Variants in OSBPL9 observed in about 807,000 individuals in gnomAD.
The protein encoded by OSBPL9 is oxysterol binding protein like 9.
In OSBPL9, 40 loss-of-function variants were observed where a neutral mutation model predicts 106.6. That is an observed-to-expected ratio of 0.38 (90% CI 0.29 to 0.49). The LOEUF (loss-of-function observed/expected upper bound fraction) is 0.49, where lower values mean the gene tolerates loss of function less well. Among genes scored for constraint, OSBPL9 ranks in the 20% least tolerant of loss-of-function variants. OSBPL9 has a pLI of 0.97. For missense variants in OSBPL9, 609 were observed against 887.2 expected (o/e 0.69, Z 3.98); for synonymous variants, 269 against 295.4 (o/e 0.91, Z 0.92).
the OSBPL9 span, among the ~76,000 whole-genome samples, chr1:51,558,007 A>G: frequency 6.6e-6 from 1 of 152,118 alleles, no homozygotes; most frequent in South Asian, 2.1e-4. Flanking sequence ...ATCTAATTTA[A>G]AAAAAAATCA....
the OSBPL9 span, among the ~76,000 whole-genome samples, chr1:51,530,552 A>T: frequency 6.6e-5 from 10 of 151,484 alleles, no homozygotes; most frequent in African/African-American, 2.4e-4. Context: ...AAGGAGTTCA[A>T]GACCAGCCTG....
chr1:51,545,690 G>A, the OSBPL9 span, among the ~76,000 whole-genome samples: 13 of 152,296 alleles, frequency 8.5e-5, no homozygotes, highest in South Asian at 6.2e-4. Context: ...TGAGAGGATC[G>A]CTTGAGTGCA....
chr1:51,724,199 A>G (rs906021850), intron 4 of OSBPL9, among the ~76,000 whole-genome samples: 1 of 151,468 alleles, frequency 6.6e-6, no homozygotes, highest in Non-Finnish European at 1.5e-5. Context: ...ACCCACCTCA[A>G]TCTCCCAAAA....
the OSBPL9 span, among the ~76,000 whole-genome samples, chr1:51,529,907 C>T: frequency 6.6e-6 from 1 of 151,564 alleles, no homozygotes; most frequent in Non-Finnish European, 1.5e-5. Context: ...TGCGGTGGCT[C>T]ACGCCTGTAA....
At chr1:51,727,854 A>C (rs1300407458) in intron 4 of OSBPL9, among the ~76,000 whole-genome samples, 1 of 152,154 alleles carries the variant, frequency 6.6e-6, no homozygotes, top group Non-Finnish European at 1.5e-5. Context: ...AATTTAAATA[A>C]ATAACTAAGA....
chr1:51,730,178 C>T lies in OSBPL9; in HGVS notation c.319-15358C>T, dbSNP rs114156714. The T allele has an allele frequency of 6.7e-4, 833 of 1,238,420 alleles. 8 individuals are homozygous for T. The African/African-American group carries it at 0.011, about 17-fold the overall frequency. The allele number at this position is 1,238,420 out of a possible 1,614,324, so 76.7% of individuals were successfully genotyped here. A position where few individuals can be genotyped will look rare whatever the true frequency, so the allele number is the denominator to read the frequency against. On this transcript the variant is annotated intron_variant, in intron 4 of 23. Coordinates refer to ENST00000428468, the MANE Select transcript of OSBPL9 (RefSeq NM_024586.6). ...CCCTCTTCCTTGGGAGTTCTCAGTTCCTCAGCCTAGATGGGGTGGAGGCTG... is the reference window on the plus strand; with the variant it reads ...CCCTCTTCCTTGGGAGTTCTCAGTTTCTCAGCCTAGATGGGGTGGAGGCTG...
At chr1:51,636,855 T>C (rs1036025876) in intron 1 of OSBPL9, among the ~76,000 whole-genome samples, 2 of 152,132 alleles carry the variant, frequency 1.3e-5, no homozygotes, top group African/African-American at 4.8e-5. Context: ...CCAAAGGTCT[T>C]GGGATAAGGG....
At chr1:51,519,146 TG>T in the OSBPL9 span, 4 of 1,303,938 alleles carry the variant, frequency 3.1e-6, no homozygotes, top group African/African-American at 1.5e-5. Flanking sequence ...CTGAGGGCGG[TG>T]GGGGAGGGGG....
At chr1:51,637,036 A>G (rs1645493155) in intron 1 of OSBPL9, among the ~76,000 whole-genome samples, 1 of 152,198 alleles carries the variant, frequency 6.6e-6, no homozygotes, top group Non-Finnish European at 1.5e-5. Flanking sequence ...GGTTGAGAAA[A>G]ACCTTTAAGG....
chr1:51,546,934 C>T, the OSBPL9 span, among the ~76,000 whole-genome samples: 2 of 152,240 alleles, frequency 1.3e-5, no homozygotes, highest in East Asian at 3.9e-4. Context: ...CAAAGTACCA[C>T]AGAAATGCTA....
intron 15 of OSBPL9, among the ~76,000 whole-genome samples, chr1:51,780,200 T>C (rs554406749): frequency 6.9e-6 from 1 of 145,782 alleles, no homozygotes; most frequent in South Asian, 2.2e-4. Flanking sequence ...AGAATGGCCA[T>C]ATTAAAAAAA....
chr1:51,773,941 C>CGTTGTT lies in OSBPL9; in HGVS notation c.1170+1252_1170+1257dup, dbSNP rs3835387. 6.0e-3 allele frequency among the ~76,000 whole-genome samples: 892 copies of CGTTGTT among 149,080 alleles called. 9 individuals are homozygous for CGTTGTT. Among genetic ancestry groups the CGTTGTT allele is most frequent in the African/African-American group, 0.02 (810 of 40,556 alleles). ...AATCATTAGATTGTACAGCTGCTGG[C>CGTTGTT]GTTGTTGTTGTTGTTGTTGTTGTTG... On this transcript the variant is annotated intron_variant, in intron 14 of 23. Coordinates refer to ENST00000428468, the MANE Select transcript of OSBPL9 (RefSeq NM_024586.6).
rs1221138661 is a variant in OSBPL9 at position 51,674,625 on chromosome 1, G to T, written c.241+5113G>T. On this transcript the variant is annotated intron_variant, in intron 3 of 23. Transcript: ENST00000428468. ...TGAAAATATGAATGCCTAACGGCTA[G>T]GCAGATAAGTACAGTCAAGTGCTGC... Among the ~76,000 whole-genome samples the T allele has an allele frequency of 3.9e-5, 6 of 152,340 alleles. No individual in the cohort carries two copies. In the East Asian group the frequency reaches 1.2e-3, roughly 29 times the overall value.
intron 2 of OSBPL9, among the ~76,000 whole-genome samples, chr1:51,658,278 C>T (rs1188554463): frequency 2.0e-5 from 3 of 152,112 alleles, no homozygotes; most frequent in African/African-American, 7.2e-5. Context: ...GCCATTTACT[C>T]ATAGTGTTGT....
intron 4 of OSBPL9, chr1:51,730,037 C>A (rs746497405): frequency 1.5e-5 from 20 of 1,300,108 alleles, no homozygotes; most frequent in Non-Finnish European, 1.9e-5. Context: ...GAGGGGCCGG[C>A]CCCTACCCCT....
the OSBPL9 span, among the ~76,000 whole-genome samples, chr1:51,547,795 G>A: frequency 2.0e-5 from 3 of 151,984 alleles, no homozygotes; most frequent in Non-Finnish European, 2.9e-5. Flanking sequence ...AAGCTGCAGG[G>A]AGCCAAGATT....
chr1:51,765,806 C>A lies in OSBPL9; in HGVS notation c.779-16C>A. 1 of 1,593,112 alleles carries A rather than the reference C, an allele frequency of 6.3e-7. No individual in the cohort carries two copies. Among genetic ancestry groups the A allele is most frequent in the South Asian group, 1.1e-5 (1 of 87,040 alleles). ...TTTCACCAATATTTTTCTCTAAAACCCTTTTAACTTCCTAGGCAGTGGCCA... is the reference window on the plus strand; with the variant it reads ...TTTCACCAATATTTTTCTCTAAAACACTTTTAACTTCCTAGGCAGTGGCCA... On this transcript the variant is annotated splice_polypyrimidine_tract_variant and intron_variant, in intron 11 of 23. Coordinates refer to ENST00000428468, the MANE Select transcript of OSBPL9 (RefSeq NM_024586.6).
At chr1:51,550,755 C>T in the OSBPL9 span, among the ~76,000 whole-genome samples, 1 of 152,118 alleles carries the variant, frequency 6.6e-6, no homozygotes, top group African/African-American at 2.4e-5. Flanking sequence ...CTCAGGTGAT[C>T]GACCCACCTT....
intron 3 of OSBPL9, among the ~76,000 whole-genome samples, chr1:51,708,362 G>A (rs1234474715): frequency 6.6e-6 from 1 of 150,582 alleles, no homozygotes; most frequent in Non-Finnish European, 1.5e-5. Context: ...CTTGTTTTAG[G>A]GTCCAATATT....
Sources: gnomAD v4.1 joint callset for allele counts (sites outside exome capture counted in the v4.1 genomes callset) on GRCh38, gnomAD v4.1.1 for gene constraint, MANE v1.5 for transcripts, NCBI Gene and HGNC (gene_info 2026-07-23, HGNC 2026-07-21) for gene names.